Variants in ADAP2 observed in about 807,000 individuals in gnomAD.
ADAP2 encodes ArfGAP with dual PH domains 2, also known as arf-GAP with dual PH domain-containing protein 2.
In ADAP2, 42 loss-of-function variants were observed where a neutral mutation model predicts 54.9. The ratio of observed to expected loss-of-function variants is 0.77; its 90% CI spans 0.60 to 0.99. The LOEUF (loss-of-function observed/expected upper bound fraction) is 0.99, where lower values mean the gene tolerates loss of function less well. Among genes scored for constraint, ADAP2 ranks in the 50% least tolerant of loss-of-function variants. ADAP2 has a pLI of 0.00. For missense variants in ADAP2, 429 were observed against 480.4 expected (o/e 0.89, Z 1.00); for synonymous variants, 177 against 180.1 (o/e 0.98, Z 0.14).
At chr17:30,930,514 T>C (rs1473133212) in intron 3 of ADAP2, among the ~76,000 whole-genome samples, 1 of 152,212 alleles carries the variant, frequency 6.6e-6, no homozygotes, top group Non-Finnish European at 1.5e-5. Flanking sequence ...ATACTCTCTC[T>C]GGCTCTCTTT....
At chr17:30,924,739 A>T (rs1484291251) in intron 2 of ADAP2, among the ~76,000 whole-genome samples, 3 of 152,160 alleles carry the variant, frequency 2.0e-5, no homozygotes, top group Non-Finnish European at 4.4e-5. Context: ...AATGAACAAG[A>T]TAAGGTCCCT....
chr17:30,954,693 T>G, intron 9 of ADAP2, 138 bp downstream of exon 9: 1 of 673,900 alleles, frequency 1.5e-6, no homozygotes, highest in Non-Finnish European at 2.5e-6. Flanking sequence ...GGAAAACCTC[T>G]ACCCCTTGTT....
chr17:30,954,462 G>C lies in ADAP2; in HGVS notation c.805-16G>C, dbSNP rs1904911337. On this transcript the variant is annotated splice_polypyrimidine_tract_variant and intron_variant, in intron 8 of 10. Coordinates refer to ENST00000330889, the MANE Select transcript of ADAP2 (RefSeq NM_018404.3). ...CTGACCTGGTCATCTGTGGTAAGAA[G>C]TTCCCTCTTTTGCAGCAGAAAGAAC... is the stretch of plus-strand genomic sequence containing the variant. 2.5e-6 allele frequency: 4 copies of C among 1,613,150 alleles called. No homozygotes were observed. Among genetic ancestry groups the C allele is most frequent in the South Asian group, 2.2e-5 (2 of 91,066 alleles).
At position 30,944,955 on chromosome 17, in the gene ADAP2, T is replaced by A. The variant is rs1192513240; in HGVS notation, c.559T>A (p.Phe187Ile). 6.2e-7 allele frequency: 1 copy of A among 1,614,024 alleles called. No homozygotes were observed. Among genetic ancestry groups the A allele is most frequent in the Non-Finnish European group, 8.5e-7 (1 of 1,180,024 alleles). ...CAGCATTAAGGACTTGAATGCCACC[T>A]TCCAGACAGAGAAGATAGGGCACCC... is the stretch of plus-strand genomic sequence containing the variant. The part of the protein sequence containing the change: ...VISIKDLNAT[F>I]QTEKIGHPHG... The change falls in exon 6 of 11, where the codon TTC becomes ATC. Residue 187 changes from phenylalanine to isoleucine, a missense_variant. Phe to Ile is a conservative substitution (Grantham distance 21). Coordinates refer to ENST00000330889, the MANE Select transcript of ADAP2 (RefSeq NM_018404.3).
chr17:30,957,598 G>A (rs1905167079), intron 10 of ADAP2, among the ~76,000 whole-genome samples: 1 of 151,774 alleles, frequency 6.6e-6, no homozygotes, highest in Admixed American at 6.6e-5. Flanking sequence ...TAGCTAATTT[G>A]TTTTGTATTT....
At chr17:30,941,584 A>G (rs1912272602) in intron 5 of ADAP2, among the ~76,000 whole-genome samples, 1 of 152,236 alleles carries the variant, frequency 6.6e-6, no homozygotes, top group Non-Finnish European at 1.5e-5. Context: ...CCACTCAGAC[A>G]TGTTATAACA....
At chr17:30,945,161 G>C in intron 6 of ADAP2, 108 bp downstream of exon 6, 2 of 1,293,956 alleles carry the variant, frequency 1.5e-6, no homozygotes, top group Non-Finnish European at 1.1e-6. Flanking sequence ...GCTGCCTCTT[G>C]AGATTTTCTG....
At chr17:30,932,148 T>C (rs1911534390) in intron 4 of ADAP2, among the ~76,000 whole-genome samples, 180 bp downstream of exon 4, 1 of 151,948 alleles carries the variant, frequency 6.6e-6, no homozygotes, top group South Asian at 2.1e-4. Flanking sequence ...TGGTGGGGCT[T>C]TATGCTCTGA....
chr17:30,925,761 A>T (rs913302770), intron 2 of ADAP2, among the ~76,000 whole-genome samples: 2 of 151,376 alleles, frequency 1.3e-5, no homozygotes, highest in African/African-American at 4.9e-5. Flanking sequence ...ATACCTGGCT[A>T]ATTTATTTAT....
rs983000914 is a variant in ADAP2, at chr17:30,945,021, A to G, written c.625A>G (p.Arg209Gly). The G allele has an allele frequency of 6.2e-7, 1 of 1,614,108 alleles. No homozygotes were observed. The highest frequency in any genetic ancestry group is 1.1e-5 in the South Asian group (1 of 91,070). The change falls in exon 6 of 11, where the codon AGG becomes GGG. Residue 209 changes from arginine to glycine, a missense_variant. Transcript: ENST00000330889. ...QITYRRDGHT[R>G]NLFVYHESGK... ...CACCTACAGGAGAGATGGCCACACC[A>G]GGAACCTGTTTGTGTATCATGAAAG...
chr17:30,923,484 C>T (rs530131375), intron 2 of ADAP2, among the ~76,000 whole-genome samples: 1 of 151,478 alleles, frequency 6.6e-6, no homozygotes, highest in Non-Finnish European at 1.5e-5. Flanking sequence ...ACGCTGGTCT[C>T]GAACTCCTGA....
rs923812498 is a variant in ADAP2 at position 30,937,423 on chromosome 17, T to C, written c.510+3126T>C. 2.6e-5 allele frequency among the ~76,000 whole-genome samples: 4 copies of C among 152,034 alleles called. No homozygotes were observed. The South Asian group carries it at 8.3e-4, about 31-fold the overall frequency. On this transcript the variant is annotated intron_variant, in intron 5 of 10. Coordinates refer to ENST00000330889, the MANE Select transcript of ADAP2 (RefSeq NM_018404.3). ...TTTTAGTAGAGACAGGGTTTCACCA[T>C]GTTGACCAGGCTGATTTAGAACTCC...
At chr17:30,949,151 G>A (rs533840681) in intron 6 of ADAP2, 136 bp from the exon 7 acceptor site, 21 of 662,142 alleles carry the variant, frequency 3.2e-5, no homozygotes, top group Admixed American at 2.0e-4. Context: ...CCCCTGAGCC[G>A]AGCTGTGGGG....
intron 10 of ADAP2, chr17:30,957,018 C>T (rs116096906): frequency 0.027 from 4,178 of 156,332 alleles, 195 homozygotes; most frequent in African/African-American, 0.093. Flanking sequence ...AAAGGGGAGA[C>T]ATGCCGAGCT....
At chr17:30,923,268 T>A (rs1008126020) in intron 2 of ADAP2, among the ~76,000 whole-genome samples, 198 bp downstream of exon 2, 3 of 150,488 alleles carry the variant, frequency 2.0e-5, no homozygotes, top group Non-Finnish European at 4.4e-5. Context: ...TGCTTACTTT[T>A]TTTTTTTTTT....
intron 7 of ADAP2, among the ~76,000 whole-genome samples, chr17:30,951,372 CA>C (rs1904614406): frequency 6.6e-6 from 1 of 152,042 alleles, no homozygotes; most frequent in South Asian, 2.1e-4. Flanking sequence ...TGTGCTGGCT[CA>C]AATTCCGAAT....
intron 5 of ADAP2, among the ~76,000 whole-genome samples, chr17:30,943,156 G>A (rs1344310715): frequency 6.6e-6 from 1 of 152,044 alleles, no homozygotes; most frequent in Non-Finnish European, 1.5e-5. Flanking sequence ...ACCTGAGGTC[G>A]GGAGTTCGAG....
chr17:30,922,712 C>T (rs991202359), intron 1 of ADAP2, among the ~76,000 whole-genome samples: 2 of 152,256 alleles, frequency 1.3e-5, no homozygotes, highest in East Asian at 3.9e-4. Flanking sequence ...CCCTTCACTT[C>T]CACGTCGCGC....
At chr17:30,940,330 A>C (rs1183045824) in intron 5 of ADAP2, among the ~76,000 whole-genome samples, 9 of 146,210 alleles carry the variant, frequency 6.2e-5, no homozygotes, top group African/African-American at 2.1e-4. Context: ...TTCGAGATGG[A>C]GTCTCGCTTC....
Sources: gnomAD v4.1 joint callset for allele counts (sites outside exome capture counted in the v4.1 genomes callset) on GRCh38, gnomAD v4.1.1 for gene constraint, MANE v1.5 for transcripts, NCBI Gene and HGNC (gene_info 2026-07-23, HGNC 2026-07-21) for gene names.